Variants in MAP3K15 observed in about 807,000 individuals in gnomAD.
The protein encoded by MAP3K15 is MAPK/ERK kinase kinase 15.
A neutral mutation model predicts 99.5 loss-of-function variants in MAP3K15; 124 were observed. That is an observed-to-expected ratio of 1.25 (90% CI 1.08 to 1.45). The LOEUF (loss-of-function observed/expected upper bound fraction) is 1.45. Ranked by LOEUF, MAP3K15 falls within the 40% of genes most tolerant of loss-of-function variation. MAP3K15 has a pLI of 0.00. For missense variants in MAP3K15, 1,242 were observed against 1,079.7 expected (o/e 1.15, Z -2.11); for synonymous variants, 494 against 439.6 (o/e 1.12, Z -1.55).
chrX:19,383,725 T>C (rs2147234317), intron 18 of MAP3K15, among the ~76,000 whole-genome samples: 1 of 112,263 alleles, frequency 8.9e-6, no homozygotes, highest in East Asian at 2.8e-4. Context: ...CCAACAGGCA[T>C]ATGAAAGGGT....
In MAP3K15 at chrX:19,360,534, G is replaced by T. The variant is rs2063270131; in HGVS notation, c.*215C>A. 6.0e-6 allele frequency: 2 copies of T among 335,662 alleles called. No individual in the cohort carries two copies. The highest frequency in any genetic ancestry group is 1.0e-5 in the Non-Finnish European group (2 of 193,535). The allele number at this position is 335,662 out of a possible 1,213,427, so 27.7% of individuals were successfully genotyped here. On this transcript the variant is annotated 3_prime_UTR_variant, in exon 29 of 29. Transcript: ENST00000338883. ...AATATTCCGGGAGGTCAAAACCAAGGCTCACTGTTTTCACAATACACACAG... is the reference window on the plus strand; with the variant it reads ...AATATTCCGGGAGGTCAAAACCAAGTCTCACTGTTTTCACAATACACACAG...
intron 1 of MAP3K15, among the ~76,000 whole-genome samples, chrX:19,489,437 G>A (rs753767130): frequency 2.7e-5 from 3 of 110,850 alleles, no homozygotes; most frequent in Admixed American, 9.6e-5. Flanking sequence ...TCAGTTCCAC[G>A]CACGTGTGTG....
intron 15 of MAP3K15, among the ~76,000 whole-genome samples, chrX:19,396,949 G>C (rs2063571738): frequency 9.2e-6 from 1 of 108,239 alleles, no homozygotes; most frequent in Non-Finnish European, 1.9e-5. Context: ...ACCCAGGCTG[G>C]AGTGCAGTGG....
At chrX:19,464,532 G>A in intron 3 of MAP3K15, 126 bp from the exon 4 acceptor site, 1 of 483,108 alleles carries the variant, frequency 2.1e-6, no homozygotes, top group Non-Finnish European at 3.4e-6. Flanking sequence ...CGTTCAATAC[G>A]ACTATGGATC....
At chrX:19,471,138 G>T (rs1315508211) in intron 3 of MAP3K15, among the ~76,000 whole-genome samples, 1 of 111,657 alleles carries the variant, frequency 9.0e-6, no homozygotes, top group Non-Finnish European at 1.9e-5. Flanking sequence ...AATGAACAAA[G>T]TCTTAAAGGA....
intron 9 of MAP3K15, among the ~76,000 whole-genome samples, chrX:19,418,778 A>C (rs1238850932): frequency 1.8e-4 from 20 of 111,875 alleles, no homozygotes; most frequent in East Asian, 1.1e-3. Context: ...ATGTTAAGGG[A>C]AGCCAGAGAG....
chrX:19,371,695 G>C, intron 22 of MAP3K15, among the ~76,000 whole-genome samples, 165 bp from the exon 23 acceptor site: 1 of 111,223 alleles, frequency 9.0e-6, no homozygotes, highest in East Asian at 2.8e-4. Context: ...CAGGGTCCTG[G>C]CCCCTTCTCC....
chrX:19,443,126 G>T (rs898975490), intron 6 of MAP3K15, among the ~76,000 whole-genome samples: 1 of 93,414 alleles, frequency 1.1e-5, no homozygotes, highest in Non-Finnish European at 2.0e-5. Flanking sequence ...TCCGCCTCCC[G>T]GGTTCAAGTG....
At chrX:19,389,832 G>A (rs1354978866) in intron 18 of MAP3K15, among the ~76,000 whole-genome samples, 1 of 111,897 alleles carries the variant, frequency 8.9e-6, no homozygotes, top group East Asian at 2.8e-4. Flanking sequence ...CCAAAGAGGA[G>A]GATACAAGTC....
chrX:19,497,054 G>T (rs989205639), intron 1 of MAP3K15: 1 of 111,045 alleles, frequency 9.0e-6, no homozygotes, highest in Non-Finnish European at 1.9e-5. Context: ...TTTATGATCT[G>T]CATCAAGCAC....
At chrX:19,407,595 A>T (rs772671216) in intron 12 of MAP3K15, among the ~76,000 whole-genome samples, 4 of 112,439 alleles carry the variant, frequency 3.6e-5, no homozygotes, top group Non-Finnish European at 5.6e-5. Flanking sequence ...AGGGGCTTAT[A>T]ATCTCATGAA....
Position 19,373,594 on chromosome X carries a change from G to T in MAP3K15, c.2875C>A (p.Pro959Thr). 8.4e-7 allele frequency: 1 copy of T among 1,184,020 alleles called. No individual in the cohort carries two copies. Reference protein sequence around the residue: ...GSVSPDSDAQPDALFERTRAP... With the variant: ...GSVSPDSDAQTDALFERTRAP... ...CGGGTCCTCTCAAAGAGTGCGTCAG[G>T]CTGGGCGTCGGAGTCTGGGGAGACA... is the stretch of plus-strand genomic sequence containing the variant. Residue 959 changes from proline (P) to threonine (T), a missense_variant, in exon 21 of 29, where the codon CCT becomes ACT. By Grantham distance (38) the Pro-to-Thr change is conservative (BLOSUM62 -1). Coordinates refer to ENST00000338883, the MANE Select transcript of MAP3K15 (RefSeq NM_001001671.4).
chrX:19,394,814 TTTTTTTTTTTTTTTTTTTTTTA>T (rs2063555533), intron 16 of MAP3K15, among the ~76,000 whole-genome samples: 3 of 62,372 alleles, frequency 4.8e-5, no homozygotes, highest in African/African-American at 1.8e-4. Flanking sequence ...TTTTTTTTTT[TTTTTTTTTTTTTTTTTTTTTTA>T]AAAAGAGTGA....
intron 6 of MAP3K15, among the ~76,000 whole-genome samples, chrX:19,433,794 G>A (rs919331514): frequency 1.8e-5 from 2 of 112,221 alleles, no homozygotes; most frequent in African/African-American, 6.5e-5. Context: ...TCTAGAATCT[G>A]TAATATGTAC....
chrX:19,422,462 C>T (rs189536145), intron 9 of MAP3K15, among the ~76,000 whole-genome samples: 2,120 of 111,552 alleles, frequency 0.019, 64 homozygotes, highest in African/African-American at 0.066. Flanking sequence ...AAAATGCAAA[C>T]CAAAACTACA....
chrX:19,360,557 C>A lies in MAP3K15; in HGVS notation c.*192G>T. 1 of 372,641 alleles carries A rather than the reference C, an allele frequency of 2.7e-6. No homozygotes were observed. The allele number at this position is 372,641 out of a possible 1,213,427, so 30.7% of individuals were successfully genotyped here. A position where few individuals can be genotyped will look rare whatever the true frequency, so the allele number is the denominator to read the frequency against. ...AGGCTCACTGTTTTCACAATACACA[C>A]AGTTCTATGTTTATAAATAACAGGT... On this transcript the variant is annotated 3_prime_UTR_variant, in exon 29 of 29. Coordinates refer to ENST00000338883, the MANE Select transcript of MAP3K15 (RefSeq NM_001001671.4).
intron 21 of MAP3K15, chrX:19,373,166 A>G (rs1434458499): frequency 6.2e-6 from 1 of 162,436 alleles, no homozygotes; most frequent in Admixed American, 9.0e-5. Context: ...GAAAAGGAGG[A>G]AGGGAGGAGG....
At chrX:19,400,535 ACAAT>A (rs2063600022) in intron 14 of MAP3K15, 37 bp downstream of exon 14, 2 of 988,689 alleles carry the variant, frequency 2.0e-6, no homozygotes, top group East Asian at 6.2e-5. Flanking sequence ...CATCGAACAC[ACAAT>A]CAATGTTTTC....
intron 7 of MAP3K15, among the ~76,000 whole-genome samples, chrX:19,429,044 G>A (rs1013427648): frequency 2.7e-5 from 3 of 111,062 alleles, no homozygotes; most frequent in African/African-American, 9.8e-5. Context: ...TAGAAAACAG[G>A]AACAGAGACA....
Sources: gnomAD v4.1 joint callset for allele counts (sites outside exome capture counted in the v4.1 genomes callset) on GRCh38, gnomAD v4.1.1 for gene constraint, MANE v1.5 for transcripts, NCBI Gene and HGNC (gene_info 2026-07-23, HGNC 2026-07-21) for gene names.